INO80: variants seen among roughly 807,000 people sequenced by gnomAD.
INO80 encodes chromatin-remodeling ATPase INO80.
Under a neutral mutation model 203.4 loss-of-function variants are expected in INO80, and 20 were observed. The ratio of observed to expected loss-of-function variants is 0.10; its 90% CI spans 0.07 to 0.14. The LOEUF (loss-of-function observed/expected upper bound fraction) is 0.14, where lower values mean the gene tolerates loss of function less well. INO80 is among the 10% of genes least tolerant of loss of function. INO80 has a pLI of 1.00. For synonymous variants in INO80, 726 were observed against 685.2 expected, an observed-to-expected ratio of 1.06 and a Z score of -0.93; for missense variants, 1,419 against 1,914.4, an observed-to-expected ratio of 0.74 and a Z score of 4.83.
intron 27 of INO80, among the ~76,000 whole-genome samples, chr15:41,007,389 G>A (rs2044062451): frequency 6.6e-6 from 1 of 151,700 alleles, no homozygotes; most frequent in African/African-American, 2.4e-5. Context: ...CGCCATGTTG[G>A]CCAGGCTGGT....
At chr15:40,999,807 A>G (rs2043933106) in intron 28 of INO80, among the ~76,000 whole-genome samples, 1 of 152,214 alleles carries the variant, frequency 6.6e-6, no homozygotes, top group African/African-American at 2.4e-5. Context: ...ATAAGGCTTC[A>G]AATAAAAACT....
Position 41,045,022 on chromosome 15 carries a change from C to A in INO80, c.2789G>T (p.Arg930Leu). The A allele has an allele frequency of 2.5e-6, 4 of 1,613,354 alleles. No individual in the cohort carries two copies. The highest frequency in any genetic ancestry group is 1.1e-5 in the South Asian group (1 of 90,912). The change falls in exon 24 of 36, where the codon CGC becomes CTC. Residue 930 changes from arginine to leucine, a missense_variant. Coordinates refer to ENST00000648947, the MANE Select transcript of INO80 (RefSeq NM_017553.3). ...LKASYRLHQL[R>L]SWGAPEGESH... Reference sequence around the variant, plus strand: ...CTCCCCTTCTGGCGCTCCCCAGGAGCGTAGCTGATGGAGCCTGTAGGAGGC... The same window carrying A: ...CTCCCCTTCTGGCGCTCCCCAGGAGAGTAGCTGATGGAGCCTGTAGGAGGC...
At position 41,096,216 on chromosome 15, in the gene INO80, T is replaced by C. The variant is rs772106084; in HGVS notation, c.95A>G (p.Asp32Gly). Residue 32 changes from aspartate to glycine, a missense_variant, in exon 2 of 36, where the codon GAC becomes GGC. Physicochemically the swap from Asp to Gly is moderately conservative, Grantham distance 94 (BLOSUM62 -1). Around this residue, in one of 9 missense-constraint regions of INO80, gnomAD observed 323 missense variants for 325.4 expected, o/e 0.99. Coordinates refer to ENST00000648947, the MANE Select transcript of INO80 (RefSeq NM_017553.3). ...AGCTGACGTTTGTCGCAGAAAATGG[T>C]CCAACCGGAGGGCCCTCTCCAAGTA... ...LQYLERALRL[D>G]HFLRQTSAIF... 2 of 1,613,160 alleles carry C rather than the reference T, an allele frequency of 1.2e-6. No individual in the cohort carries two copies. The highest frequency in any genetic ancestry group is 1.7e-6 in the Non-Finnish European group (2 of 1,179,804).
rs952949699 is a variant in INO80, at chr15:41,043,429, T to C, written c.2907+1475A>G. Among the ~76,000 whole-genome samples, 11 of 152,168 alleles carry C rather than the reference T, an allele frequency of 7.2e-5. No individual in the cohort carries two copies. In the South Asian group the frequency reaches 8.3e-4, roughly 11 times the overall value. On this transcript the variant is annotated intron_variant, in intron 24 of 35. Transcript: ENST00000648947. ...AATCACCCTGCCACCACTGACAGCA[T>C]TACTCCAAACAGGCTGGAATCCAAT...
intron 27 of INO80, among the ~76,000 whole-genome samples, chr15:41,014,981 C>T (rs1223077921): frequency 1.3e-5 from 2 of 152,138 alleles, no homozygotes; most frequent in Admixed American, 6.5e-5. Flanking sequence ...AACATGAGAA[C>T]ATTTATGTAC....
intron 23 of INO80, among the ~76,000 whole-genome samples, chr15:41,046,248 T>TAC (rs2044764709): frequency 1.3e-5 from 1 of 79,178 alleles, no homozygotes; most frequent in African/African-American, 4.2e-5. Context: ...TATATATATA[T>TAC]ATATATATTC....
chr15:41,057,914 A>G (rs1164110462), intron 16 of INO80, among the ~76,000 whole-genome samples: 1 of 151,940 alleles, frequency 6.6e-6, no homozygotes, highest in Admixed American at 6.6e-5. Flanking sequence ...ACGACTCACC[A>G]TGAGTTAATA....
intron 9 of INO80, among the ~76,000 whole-genome samples, chr15:41,075,366 G>A (rs898946051): frequency 3.3e-5 from 5 of 151,842 alleles, no homozygotes; most frequent in Admixed American, 6.6e-5. Context: ...CTGCCTCCCA[G>A]GTTCAAGTGA....
intron 14 of INO80, among the ~76,000 whole-genome samples, chr15:41,061,450 C>CAAAA (rs980593225): frequency 0.057 from 3,795 of 66,854 alleles, 245 homozygotes; most frequent in African/African-American, 0.16. Flanking sequence ...ACCAAAAATA[C>CAAAA]AAAAAAAAAA....
rs567457170 is a variant in INO80, at chr15:40,987,032, A to G, written c.3832+59T>C. 3.0e-6 allele frequency: 3 copies of G among 1,000,968 alleles called. No individual in the cohort carries two copies. The African/African-American group carries it at 4.7e-5, about 16-fold the overall frequency. The allele number at this position is 1,000,968 out of a possible 1,614,324, so 62.0% of individuals were successfully genotyped here. On this transcript the variant is annotated intron_variant, in intron 31 of 35. Transcript: ENST00000648947. ...CTTTGCCTACCCTTGGCACACAGCC[A>G]AGTACCTCTTCCATTCTCAGATACG...
At chr15:41,052,044 T>G (rs1167676880) in intron 19 of INO80, among the ~76,000 whole-genome samples, 1 of 151,782 alleles carries the variant, frequency 6.6e-6, no homozygotes, top group Non-Finnish European at 1.5e-5. Context: ...GAGGCTGAGG[T>G]GGGGGGATCC....
chr15:40,986,284 TAC>T (rs1309179030), intron 31 of INO80, among the ~76,000 whole-genome samples: 3 of 149,044 alleles, frequency 2.0e-5, no homozygotes, highest in Non-Finnish European at 4.5e-5. Flanking sequence ...ACCTTTAAAA[TAC>T]ACACAAATTT....
At chr15:41,049,569 G>A in intron 20 of INO80, 149 bp from the exon 21 acceptor site, 1 of 770,296 alleles carries the variant, frequency 1.3e-6, no homozygotes, top group Non-Finnish European at 2.1e-6. Context: ...CTGGCATCAA[G>A]GATAGACTGT....
At chr15:41,000,838 C>CA (rs1751667621) in intron 28 of INO80, among the ~76,000 whole-genome samples, 1 of 150,290 alleles carries the variant, frequency 6.7e-6, no homozygotes, top group African/African-American at 2.4e-5. Flanking sequence ...TACAGAAGAA[C>CA]ACTAGTGAAA....
intron 29 of INO80, among the ~76,000 whole-genome samples, chr15:40,992,783 G>A (rs2140421149): frequency 6.6e-6 from 1 of 151,496 alleles, no homozygotes; most frequent in South Asian, 2.1e-4. Context: ...AGAAATCAGA[G>A]TATTCAGAGC....
chr15:41,074,705 T>C (rs1299203347), intron 9 of INO80, 140 bp from the exon 10 acceptor site: 2 of 616,380 alleles, frequency 3.2e-6, no homozygotes, highest in Admixed American at 3.3e-5. Flanking sequence ...TGATAAACAA[T>C]TTTAATTTAG....
At chr15:40,981,676 GCT>G (rs1007542893) in intron 35 of INO80, among the ~76,000 whole-genome samples, 22 of 152,274 alleles carry the variant, frequency 1.4e-4, no homozygotes, top group African/African-American at 5.1e-4. Context: ...TCTGTAAGTG[GCT>G]CTCTCTTTCT....
In INO80 at chr15:41,005,723, T is replaced by A. The variant is rs545295713; in HGVS notation, c.3403-36A>T. 10 of 1,127,406 alleles carry A rather than the reference T, an allele frequency of 8.9e-6. No individual in the cohort carries two copies. In the Admixed American group the frequency reaches 1.8e-4, roughly 20 times the overall value. The allele number at this position is 1,127,406 out of a possible 1,614,324, so 69.8% of individuals were successfully genotyped here. The stretch of plus-strand genomic sequence containing the variant: ...GGATAAAAGGACACAGTAAATCTGA[T>A]GCAAATTACTGTATTCTGATTTCCA... On this transcript the variant is annotated intron_variant, in intron 27 of 35. Coordinates refer to ENST00000648947, the MANE Select transcript of INO80 (RefSeq NM_017553.3).
intron 15 of INO80, among the ~76,000 whole-genome samples, chr15:41,059,204 C>T (rs995805188): frequency 1.1e-4 from 17 of 151,630 alleles, no homozygotes; most frequent in Middle Eastern, 6.8e-3. Context: ...TCAAGTGATC[C>T]TCCTGCCTCG....
Sources: allele counts gnomAD v4.1 joint callset (sites outside exome capture counted in the v4.1 genomes callset), GRCh38; gene constraint gnomAD v4.1.1; regional missense constraint gnomAD v4.1.1; transcripts MANE v1.5; gene names NCBI Gene and HGNC (gene_info 2026-07-23, HGNC 2026-07-21).